The following SHC3 variants were observed in gnomAD, a reference collection of about 807,000 sequenced individuals.
SHC3 encodes the protein SHC-transforming protein 3.
Under a neutral mutation model 60.4 loss-of-function variants are expected in SHC3, and 15 were observed. That is an observed-to-expected ratio of 0.25 (90% CI 0.17 to 0.38). The LOEUF (loss-of-function observed/expected upper bound fraction) is 0.38. Among genes scored for constraint, SHC3 ranks in the 10% least tolerant of loss-of-function variants. SHC3 has a pLI of 1.00. For missense variants in SHC3, 677 were observed against 786.1 expected (o/e 0.86, Z 1.66); for synonymous variants, 294 against 325.9 (o/e 0.90, Z 1.05).
chr9:89,013,514 C>T lies in SHC3; in HGVS notation c.1718G>A (p.Ser573Asn), dbSNP rs766252217. 4.3e-6 allele frequency: 7 copies of T among 1,614,100 alleles called. No individual in the cohort carries two copies. In the South Asian group the frequency reaches 5.5e-5, roughly 13 times the overall value. ...CCCTGCAGAGACAATGGGCAGGCTG[C>T]TTTCTAGGTGGTGGTTGATGAGGTG... ...ISHLINHHLE[S>N]SLPIVSAGSE... The change falls in exon 12 of 12, where the codon AGC (serine) becomes AAC (asparagine). Residue 573 changes from serine to asparagine, a missense_variant. Transcript: ENST00000375835.
intron 1 of SHC3, among the ~76,000 whole-genome samples, chr9:89,126,052 G>A (rs1477058699): frequency 3.9e-5 from 6 of 152,196 alleles, no homozygotes; most frequent in South Asian, 2.1e-4. Flanking sequence ...TCAGGACCAC[G>A]TTCAGGCAAC....
At chr9:89,152,702 T>C (rs1265214353) in intron 1 of SHC3, among the ~76,000 whole-genome samples, 2 of 152,238 alleles carry the variant, frequency 1.3e-5, no homozygotes, top group Non-Finnish European at 2.9e-5. Context: ...ATTACAAGCA[T>C]TTATATGTAT....
At chr9:89,021,019 C>A (rs1266448605) in intron 11 of SHC3, among the ~76,000 whole-genome samples, 2 of 152,092 alleles carry the variant, frequency 1.3e-5, no homozygotes, top group Non-Finnish European at 2.9e-5. Flanking sequence ...GAGCTGCAGC[C>A]CCAGTTTGAC....
intron 2 of SHC3, among the ~76,000 whole-genome samples, chr9:89,088,121 C>CA (rs1210118241): frequency 6.6e-6 from 1 of 152,148 alleles, no homozygotes; most frequent in Admixed American, 6.5e-5. Context: ...CTTTACTATC[C>CA]ATTTTCTCTG....
At chr9:89,116,652 C>T (rs1252477924) in intron 1 of SHC3, among the ~76,000 whole-genome samples, 1 of 152,190 alleles carries the variant, frequency 6.6e-6, no homozygotes, top group African/African-American at 2.4e-5. Context: ...CTATGACCTC[C>T]CATGTCACAG....
chr9:89,071,990 C>T (rs1289688940), intron 4 of SHC3, among the ~76,000 whole-genome samples: 1 of 152,222 alleles, frequency 6.6e-6, no homozygotes, highest in African/African-American at 2.4e-5. Context: ...TTAATCCCTA[C>T]TCCTATCTCT....
chr9:89,105,670 C>A (rs973196468), intron 2 of SHC3, among the ~76,000 whole-genome samples: 1 of 152,150 alleles, frequency 6.6e-6, no homozygotes, highest in Admixed American at 6.5e-5. Flanking sequence ...ATGAATGACA[C>A]CTTAGTGCAG....
intron 6 of SHC3, 82 bp from the exon 7 acceptor site, chr9:89,052,245 A>T: frequency 2.6e-6 from 4 of 1,552,688 alleles, no homozygotes; most frequent in Non-Finnish European, 3.5e-6. Context: ...CTTGCTGAGG[A>T]CACAGGGACA....
chr9:89,106,464 C>T (rs1825861380), intron 2 of SHC3, among the ~76,000 whole-genome samples: 1 of 152,214 alleles, frequency 6.6e-6, no homozygotes, highest in Admixed American at 6.5e-5. Context: ...TAGTCTCCGC[C>T]CCTTCAGTGG....
intron 4 of SHC3, 115 bp downstream of exon 4, chr9:89,074,994 A>C: frequency 7.2e-7 from 1 of 1,386,250 alleles, no homozygotes; most frequent in Non-Finnish European, 9.5e-7. Context: ...TACTCTAGTA[A>C]AAATTTGACA....
At chr9:89,142,056 T>A (rs190507849) in intron 1 of SHC3, among the ~76,000 whole-genome samples, 140 of 152,262 alleles carry the variant, frequency 9.2e-4, no homozygotes, top group Non-Finnish European at 1.7e-3. Context: ...ACATGCCTAA[T>A]TCTGTCGCCC....
chr9:89,096,273 T>G (rs76357142), intron 2 of SHC3, among the ~76,000 whole-genome samples: 1,613 of 152,274 alleles, frequency 0.011, 13 homozygotes, highest in South Asian at 0.034. Flanking sequence ...CTTACTTGCT[T>G]TGGTCCCTGG....
At chr9:89,162,225 A>C (rs1826718123) in intron 1 of SHC3, among the ~76,000 whole-genome samples, 1 of 147,678 alleles carries the variant, frequency 6.8e-6, no homozygotes, top group Non-Finnish European at 1.5e-5. Flanking sequence ...CTTTCTTCAC[A>C]GAATTGGAAA....
chr9:89,056,860 G>A (rs144521170), intron 6 of SHC3, among the ~76,000 whole-genome samples: 23 of 152,388 alleles, frequency 1.5e-4, no homozygotes, highest in African/African-American at 4.8e-4. Context: ...TGTGAACAGC[G>A]AGACCCTGCC....
chr9:89,010,191 C>T lies in SHC3; in HGVS notation c.*3256G>A, dbSNP rs1825997547. On this transcript the variant is annotated 3_prime_UTR_variant, in exon 12 of 12. Transcript: ENST00000375835. Reference sequence around the variant, plus strand: ...CCTGACAAAATAGCTGCTCGCTCATCAAGGCTGAGCGGACGCCCAGTCTTT... The same window carrying T: ...CCTGACAAAATAGCTGCTCGCTCATTAAGGCTGAGCGGACGCCCAGTCTTT... 1 of 152,242 alleles carries T rather than the reference C, an allele frequency of 6.6e-6. No homozygotes were observed. The highest frequency in any genetic ancestry group is 2.4e-5 in the African/African-American group (1 of 41,464). 9.4% of individuals were successfully genotyped at this position (152,242 alleles called of 1,614,324 possible). A position where few individuals can be genotyped will look rare whatever the true frequency, so the allele number is the denominator to read the frequency against.
intron 6 of SHC3, among the ~76,000 whole-genome samples, chr9:89,055,719 C>T (rs1421014016): frequency 6.6e-6 from 1 of 152,180 alleles, no homozygotes; most frequent in African/African-American, 2.4e-5. Context: ...CAGATGCCAT[C>T]TTTTGCAAGT....
Position 89,157,259 on chromosome 9 carries a change from C to T in SHC3, c.474+20728G>A, listed in dbSNP as rs182167667. 2.0e-5 allele frequency among the ~76,000 whole-genome samples: 3 copies of T among 152,276 alleles called. No homozygotes were observed. In the East Asian group the frequency reaches 5.8e-4, roughly 29 times the overall value. On this transcript the variant is annotated intron_variant, in intron 1 of 11. Coordinates refer to ENST00000375835, the MANE Select transcript of SHC3 (RefSeq NM_016848.6). ...ATTATCGGGTGGCCCATACATATAACCACAGGGTCGTTATAAGAGATAAGC... is the reference window on the plus strand; with the variant it reads ...ATTATCGGGTGGCCCATACATATAATCACAGGGTCGTTATAAGAGATAAGC...
At chr9:89,165,354 G>T (rs1386467820) in intron 1 of SHC3, among the ~76,000 whole-genome samples, 1 of 151,508 alleles carries the variant, frequency 6.6e-6, no homozygotes, top group East Asian at 1.9e-4. Context: ...AATAAAATTA[G>T]TAAGTGTCAG....
chr9:89,043,262 T>C (rs1287844229), intron 9 of SHC3, among the ~76,000 whole-genome samples: 1 of 152,110 alleles, frequency 6.6e-6, no homozygotes, highest in Non-Finnish European at 1.5e-5. Flanking sequence ...CGTGCTAACA[T>C]TCCCTCGCTG....
Sources: allele counts gnomAD v4.1 joint callset (sites outside exome capture counted in the v4.1 genomes callset), GRCh38; gene constraint gnomAD v4.1.1; transcripts MANE v1.5; gene names NCBI Gene and HGNC (gene_info 2026-07-23, HGNC 2026-07-21).